TXK: variants seen among roughly 807,000 people sequenced by gnomAD.
TXK encodes the protein TXK tyrosine kinase.
In TXK, 60 loss-of-function variants were observed where a neutral mutation model predicts 81.0. The observed-to-expected ratio is 0.74, with a 90% CI of 0.60 to 0.92. TXK has a LOEUF of 0.92. Among genes scored for constraint, TXK ranks in the 40% least tolerant of loss-of-function variants. The pLI is 0.00. For missense variants in TXK, 581 were observed against 638.3 expected, an observed-to-expected ratio of 0.91 and a Z score of 0.97; for synonymous variants, 203 against 210.7, an observed-to-expected ratio of 0.96 and a Z score of 0.32.
At position 48,066,756 on chromosome 4, in the gene TXK, C is replaced by G. The variant is rs1186344169; in HGVS notation, c.*881G>C. The G allele has an allele frequency of 6.6e-6, 1 of 152,184 alleles. No individual in the cohort carries two copies. The highest frequency in any genetic ancestry group is 2.4e-5 in the African/African-American group (1 of 41,428). 9.4% of individuals were successfully genotyped at this position (152,184 alleles called of 1,614,324 possible). A position where few individuals can be genotyped will look rare whatever the true frequency, so the allele number is the denominator to read the frequency against. On this transcript the variant is annotated 3_prime_UTR_variant, in exon 15 of 15. Transcript: ENST00000264316. The stretch of plus-strand genomic sequence containing the variant: ...GTTGTTTCATCTCGAATTCAAAATC[C>G]TGGATTTCCGAAACAATGGAGCTTG...
chr4:48,118,789 G>T (rs1218175906), intron 1 of TXK, among the ~76,000 whole-genome samples: 2 of 152,138 alleles, frequency 1.3e-5, no homozygotes, highest in East Asian at 1.9e-4. Context: ...CCAGCAGAGG[G>T]TATCTCTGGA....
Position 48,071,618 on chromosome 4 carries a change from T to C in TXK, c.1414A>G (p.Asn472Asp), listed in dbSNP as rs780517944. ...GAAATAGCTTCCACGACTTGCAAATTTGACTTATTTTCAAAAGGCATTTTT... is the reference window on the plus strand; with the variant it reads ...GAAATAGCTTCCACGACTTGCAAATCTGACTTATTTTCAAAAGGCATTTTT... ...EGKMPFENKS[N>D]LQVVEAISEG... Residue 472 changes from asparagine (N) to aspartate (D), a missense_variant, in exon 14 of 15, where the codon AAT becomes GAT. By Grantham distance (23) the Asn-to-Asp change is conservative. Transcript: ENST00000264316. The C allele has an allele frequency of 3.2e-5, 52 of 1,614,038 alleles. No individual in the cohort carries two copies. Among genetic ancestry groups the C allele is most frequent in the Non-Finnish European group, 3.7e-5 (44 of 1,180,026 alleles).
chr4:48,093,709 A>G (rs931075703), intron 8 of TXK, among the ~76,000 whole-genome samples: 1 of 152,224 alleles, frequency 6.6e-6, no homozygotes, highest in African/African-American at 2.4e-5. Context: ...AAAAGTAGAG[A>G]GCAGATTTAT....
chr4:48,097,770 C>G (rs2109441354), intron 6 of TXK, among the ~76,000 whole-genome samples: 1 of 117,398 alleles, frequency 8.5e-6, no homozygotes, highest in South Asian at 2.8e-4. Flanking sequence ...TTTTTTGAGA[C>G]GGGGTCTCGC....
chr4:48,133,579 G>A (rs909372020), intron 1 of TXK, among the ~76,000 whole-genome samples: 2 of 152,122 alleles, frequency 1.3e-5, no homozygotes, highest in African/African-American at 2.4e-5. Context: ...AAAGGTCCTC[G>A]ATAACGGAAG....
chr4:48,090,443 C>CGT (rs1560347730), intron 8 of TXK, among the ~76,000 whole-genome samples: 1 of 152,146 alleles, frequency 6.6e-6, no homozygotes, highest in Non-Finnish European at 1.5e-5. Flanking sequence ...TTTTTAATAG[C>CGT]ATGGTAGAGT....
intron 6 of TXK, among the ~76,000 whole-genome samples, chr4:48,103,549 A>ACT (rs1440329903): frequency 6.6e-6 from 1 of 152,218 alleles, no homozygotes; most frequent in Non-Finnish European, 1.5e-5. Flanking sequence ...GAGTTACAGA[A>ACT]CTGATTATTT....
intron 14 of TXK, among the ~76,000 whole-genome samples, chr4:48,069,337 T>TTC (rs1716746535): frequency 2.6e-5 from 4 of 151,366 alleles, no homozygotes; most frequent in Non-Finnish European, 5.9e-5. Context: ...TTTTTTTTTT[T>TTC]TTTTTTTTGA....
chr4:48,073,570 C>A (rs960130985), intron 13 of TXK, among the ~76,000 whole-genome samples: 4 of 152,184 alleles, frequency 2.6e-5, no homozygotes, highest in Admixed American at 2.6e-4. Flanking sequence ...ACCTGCTTCA[C>A]AGTTTAGACA....
At chr4:48,100,884 T>C (rs1002772533) in intron 6 of TXK, among the ~76,000 whole-genome samples, 3 of 152,084 alleles carry the variant, frequency 2.0e-5, no homozygotes, top group Admixed American at 2.0e-4. Flanking sequence ...TGTGTACTGA[T>C]GTGGAAAGAT....
chr4:48,096,675 C>T (rs1717993610), intron 6 of TXK, among the ~76,000 whole-genome samples: 1 of 152,106 alleles, frequency 6.6e-6, no homozygotes, highest in Non-Finnish European at 1.5e-5. Flanking sequence ...ATTACAGGCA[C>T]ATGCCACCAT....
At chr4:48,072,202 C>G (rs990728068) in intron 13 of TXK, among the ~76,000 whole-genome samples, 2 of 152,170 alleles carry the variant, frequency 1.3e-5, no homozygotes, top group African/African-American at 2.4e-5. Context: ...CGGGGTTTCA[C>G]CATGTTGGCC....
rs28420140 is a variant in TXK at position 48,092,790 on chromosome 4, T to C, written c.709+1287A>G. On this transcript the variant is annotated intron_variant, in intron 8 of 14. Coordinates refer to ENST00000264316, the MANE Select transcript of TXK (RefSeq NM_003328.3). ...ATGCCCTCACTACTACTGGAGGGAA[T>C]GAGGATGAGAGGGCATGGGGACAGA... Among the ~76,000 whole-genome samples the C allele has an allele frequency of 6.5e-3, 982 of 152,186 alleles. 17 individuals carry two copies. Among genetic ancestry groups the C allele is most frequent in the African/African-American group, 0.022 (933 of 41,498 alleles).
At chr4:48,109,206 T>G (rs1046428688) in intron 5 of TXK, 1 of 151,818 alleles carries the variant, frequency 6.6e-6, no homozygotes, top group Non-Finnish European at 1.5e-5. Flanking sequence ...TGTCCTTTTT[T>G]TATAGAGATA....
Position 48,099,581 on chromosome 4 carries a change from G to A in TXK, c.502-4359C>T, listed in dbSNP as rs562963166. The stretch of plus-strand genomic sequence containing the variant: ...TAAAATGAGACAAGGTGATTCTGAA[G>A]CTTATATGGACAAAAAATATATATT... On this transcript the variant is annotated intron_variant, in intron 6 of 14. Coordinates refer to ENST00000264316, the MANE Select transcript of TXK (RefSeq NM_003328.3). Among the ~76,000 whole-genome samples the A allele has an allele frequency of 5.3e-5, 8 of 152,210 alleles. No homozygotes were observed. In the South Asian group the frequency reaches 1.7e-3, roughly 32 times the overall value.
chr4:48,109,322 T>G (rs993800421), intron 5 of TXK: 15 of 152,152 alleles, frequency 9.9e-5, no homozygotes, highest in African/African-American at 3.1e-4. Flanking sequence ...CCACCATGCC[T>G]GGCCTCTTTT....
chr4:48,089,311 C>A (rs1717658281), intron 9 of TXK: 1 of 153,662 alleles, frequency 6.5e-6, no homozygotes, highest in Admixed American at 6.4e-5. Flanking sequence ...GTGATGTAAA[C>A]TTTGAGAAGA....
Position 48,110,568 on chromosome 4 carries a change from T to C in TXK, c.416A>G (p.Glu139Gly). ...EGLIPSNYVTENKITNLEIYE... is the reference protein window; with the variant it reads ...EGLIPSNYVTGNKITNLEIYE... ...TATTTCTAAATTAGTTATTTTGTTT[T>C]CAGTCACATAGTTGCTTGGGATTAA... Residue 139 changes from glutamate (E) to glycine (G), a missense_variant, in exon 5 of 15, where the codon GAA becomes GGA. Coordinates refer to ENST00000264316, the MANE Select transcript of TXK (RefSeq NM_003328.3). 1 of 1,612,018 alleles carries C rather than the reference T, an allele frequency of 6.2e-7. No homozygotes were observed. The highest frequency in any genetic ancestry group is 8.5e-7 in the Non-Finnish European group (1 of 1,178,620).
intron 6 of TXK, among the ~76,000 whole-genome samples, chr4:48,100,930 A>G (rs1718166766): frequency 1.3e-5 from 2 of 151,972 alleles, no homozygotes; most frequent in Admixed American, 1.3e-4. Context: ...AAATATATAT[A>G]TAAAAATGTA....
Sources: gnomAD v4.1 joint callset for allele counts (sites outside exome capture counted in the v4.1 genomes callset) on GRCh38, gnomAD v4.1.1 for gene constraint, MANE v1.5 for transcripts, NCBI Gene and HGNC (gene_info 2026-07-23, HGNC 2026-07-21) for gene names.